ANKMY2: variants seen among roughly 807,000 people sequenced by gnomAD.
ANKMY2 encodes the protein ankyrin repeat and MYND domain-containing protein 2.
ANKMY2 carries 36 observed loss-of-function variants against 50.4 expected under a neutral mutation model. That is an observed-to-expected ratio of 0.71 (90% CI 0.55 to 0.94). The LOEUF (loss-of-function observed/expected upper bound fraction) is 0.94. Among genes scored for constraint, ANKMY2 ranks in the 40% least tolerant of loss-of-function variants. The pLI is 0.00. For missense variants in ANKMY2, 565 were observed against 524.0 expected, an observed-to-expected ratio of 1.08 and a Z score of -0.76; for synonymous variants, 187 against 178.8, an observed-to-expected ratio of 1.05 and a Z score of -0.36.
In ANKMY2 at chr7:16,609,711, A is replaced by G. The variant is rs1483378504; in HGVS notation, c.801T>C (p.Ile267=). The change falls in exon 7 of 10, where the codon ATT becomes ATC. Residue 267 remains isoleucine (I), a synonymous_variant. Coordinates refer to ENST00000306999, the MANE Select transcript of ANKMY2 (RefSeq NM_020319.3). ...DGFPVYQEKI[I]RESIRKFPYC... ...AAGGAAATTTTCTGATACTTTCTCTAATGATCTTTTCTTGATACACTGGAA... is the reference window on the plus strand; with the variant it reads ...AAGGAAATTTTCTGATACTTTCTCTGATGATCTTTTCTTGATACACTGGAA... 1 of 1,612,410 alleles carries G rather than the reference A, an allele frequency of 6.2e-7. No homozygotes were observed. Among genetic ancestry groups the G allele is most frequent in the African/African-American group, 1.3e-5 (1 of 74,896 alleles).
At chr7:16,613,351 A>C (rs916234555) in intron 5 of ANKMY2, among the ~76,000 whole-genome samples, 1 of 152,162 alleles carries the variant, frequency 6.6e-6, no homozygotes, top group African/African-American at 2.4e-5. Context: ...TTTAAATAAT[A>C]CTCCATAGGA....
intron 4 of ANKMY2, among the ~76,000 whole-genome samples, chr7:16,622,785 T>A (rs980803085): frequency 3.2e-5 from 3 of 94,506 alleles, no homozygotes; most frequent in South Asian, 2.8e-4. Context: ...AATAAATAAA[T>A]AAAAATAAAA....
intron 2 of ANKMY2, among the ~76,000 whole-genome samples, chr7:16,628,087 G>C (rs1414429706): frequency 6.6e-6 from 1 of 152,158 alleles, no homozygotes; most frequent in South Asian, 2.1e-4. Context: ...TATGTACTAG[G>C]CACTACTATT....
Position 16,600,728 on chromosome 7 carries a change from G to T in ANKMY2, c.*33C>A, listed in dbSNP as rs1467938637. The T allele has an allele frequency of 6.4e-7, 1 of 1,564,420 alleles. No homozygotes were observed. Among genetic ancestry groups the T allele is most frequent in the South Asian group, 1.2e-5 (1 of 82,826 alleles). ...GGAGTTTTCCAGCTTCTTGCAGGGT[G>T]AGGATCATCCACACTGGCACTTGCT... On this transcript the variant is annotated 3_prime_UTR_variant, in exon 10 of 10. Transcript: ENST00000306999.
At chr7:16,617,917 G>GTTTTTTTTTTT (rs780533044) in intron 4 of ANKMY2, among the ~76,000 whole-genome samples, 22 of 110,896 alleles carry the variant, frequency 2.0e-4, no homozygotes, top group African/African-American at 7.0e-4. Flanking sequence ...CAGTGAGCGT[G>GTTTTTTTTTTT]TTTTTTTTTT....
In ANKMY2 at chr7:16,615,780, G is replaced by C. The variant is rs1781335374; in HGVS notation, c.495C>G (p.His165Gln). ...GAAGATTCGTTGTGGTGATAATTTT[G>C]TGCAGCGGGCCTGCCAACTTTGGGG... ...KLPPKLAGPL[H>Q]KIITTTNLHP... The change falls in exon 5 of 10, where the codon CAC becomes CAG. Residue 165 changes from histidine (H) to glutamine (Q), a missense_variant. Coordinates refer to ENST00000306999, the MANE Select transcript of ANKMY2 (RefSeq NM_020319.3). 1 of 1,614,196 alleles carries C rather than the reference G, an allele frequency of 6.2e-7. No homozygotes were observed. The highest frequency in any genetic ancestry group is 8.5e-7 in the Non-Finnish European group (1 of 1,180,034).
intron 1 of ANKMY2, among the ~76,000 whole-genome samples, chr7:16,643,629 A>T (rs1781775200): frequency 6.6e-6 from 1 of 151,918 alleles, no homozygotes; most frequent in Non-Finnish European, 1.5e-5. Flanking sequence ...CTTCAAAATA[A>T]ATACTGATGG....
At chr7:16,645,423 C>T (rs1011525674) in intron 1 of ANKMY2, 84 bp downstream of exon 1, 2 of 1,353,150 alleles carry the variant, frequency 1.5e-6, no homozygotes, top group Non-Finnish European at 2.0e-6. Flanking sequence ...AGCCAAAGGT[C>T]ACCCAGGCCA....
intron 4 of ANKMY2, among the ~76,000 whole-genome samples, chr7:16,622,064 G>T (rs1247244061): frequency 1.3e-5 from 2 of 151,648 alleles, no homozygotes; most frequent in African/African-American, 4.8e-5. Context: ...AGAAGAAGAA[G>T]AGGAAGAGGA....
chr7:16,607,402 C>T (rs1781178028), intron 7 of ANKMY2, among the ~76,000 whole-genome samples: 1 of 151,910 alleles, frequency 6.6e-6, no homozygotes, highest in Admixed American at 6.6e-5. Flanking sequence ...CCCGTCTTTA[C>T]TAAAAATGCA....
At chr7:16,638,281 C>G (rs1321792224) in intron 1 of ANKMY2, among the ~76,000 whole-genome samples, 1 of 152,174 alleles carries the variant, frequency 6.6e-6, no homozygotes, top group Non-Finnish European at 1.5e-5. Context: ...CTTCAGATGC[C>G]AATCATAAGC....
At chr7:16,607,733 C>T (rs1448560058) in intron 7 of ANKMY2, among the ~76,000 whole-genome samples, 3 of 146,420 alleles carry the variant, frequency 2.0e-5, no homozygotes, top group East Asian at 3.9e-4. Context: ...TGTTTTTTCC[C>T]AGGAAGGTAA....
At chr7:16,624,883 G>C in intron 4 of ANKMY2, 100 bp downstream of exon 4, 3 of 982,626 alleles carry the variant, frequency 3.1e-6, no homozygotes, top group Non-Finnish European at 4.6e-6. Flanking sequence ...TTTTTTTAAA[G>C]CAACATGATA....
intron 7 of ANKMY2, among the ~76,000 whole-genome samples, chr7:16,605,202 C>G (rs757676155): frequency 3.3e-5 from 5 of 152,138 alleles, no homozygotes; most frequent in Non-Finnish European, 7.4e-5. Flanking sequence ...GAACTGACAT[C>G]CAGAAAATAT....
At chr7:16,602,207 C>T (rs182289614) in intron 9 of ANKMY2, among the ~76,000 whole-genome samples, 173 bp downstream of exon 9, 105 of 152,256 alleles carry the variant, frequency 6.9e-4, no homozygotes, top group African/African-American at 2.3e-3. Context: ...TCCAGGCTGA[C>T]TATATCCTAA....
chr7:16,644,547 C>T, intron 1 of ANKMY2: 1 of 351,722 alleles, frequency 2.8e-6, no homozygotes, highest in Non-Finnish European at 5.7e-6. Context: ...CAATGACTGG[C>T]ATCTCTGCCA....
intron 4 of ANKMY2, among the ~76,000 whole-genome samples, chr7:16,619,412 C>A (rs1366518283): frequency 6.6e-6 from 1 of 152,062 alleles, no homozygotes; most frequent in Non-Finnish European, 1.5e-5. Context: ...CCTTGGCCTC[C>A]CAAAGTGCTG....
intron 8 of ANKMY2, chr7:16,603,676 C>T (rs569619360): frequency 2.1e-6 from 1 of 471,140 alleles, no homozygotes; most frequent in Admixed American, 2.3e-5. Flanking sequence ...GGGGAGGAGA[C>T]TTGACTTCAG....
intron 7 of ANKMY2, among the ~76,000 whole-genome samples, chr7:16,607,857 G>A (rs1781186175): frequency 6.6e-6 from 1 of 151,810 alleles, no homozygotes; most frequent in South Asian, 2.1e-4. Context: ...ATTTTGTTCA[G>A]AGGAGGAGTG....
Sources: gnomAD v4.1 joint callset for allele counts (sites outside exome capture counted in the v4.1 genomes callset) on GRCh38, gnomAD v4.1.1 for gene constraint, MANE v1.5 for transcripts, NCBI Gene and HGNC (gene_info 2026-07-23, HGNC 2026-07-21) for gene names.